The following CTNND1 variants were observed in gnomAD, a reference collection of about 807,000 sequenced individuals.
CTNND1 encodes the protein catenin delta-1.
Under a neutral mutation model 112.1 loss-of-function variants are expected in CTNND1, and 16 were observed. That is an observed-to-expected ratio of 0.14 (90% confidence interval 0.10 to 0.22). The LOEUF (loss-of-function observed/expected upper bound fraction) is 0.22. Among genes scored for constraint, CTNND1 ranks in the 10% least tolerant of loss-of-function variants. CTNND1 has a pLI of 1.00. For missense variants in CTNND1, 1,008 were observed against 1,257.0 expected (o/e 0.80, Z 3.00); for synonymous variants, 420 against 446.5 (o/e 0.94, Z 0.75).
intron 1 of CTNND1, among the ~76,000 whole-genome samples, chr11:57,779,265 C>A (rs2059327549): frequency 6.6e-6 from 1 of 152,214 alleles, no homozygotes; most frequent in Non-Finnish European, 1.5e-5. Context: ...TTAAGAGTTA[C>A]TAGCAATTCT....
intron 1 of CTNND1, among the ~76,000 whole-genome samples, chr11:57,767,253 G>A (rs1017701921): frequency 2.6e-5 from 4 of 151,898 alleles, no homozygotes; most frequent in Admixed American, 1.3e-4. Flanking sequence ...GAGCCACTGC[G>A]CCCGGCCAGA....
At position 57,816,620 on chromosome 11, in the gene CTNND1, C is replaced by T; in HGVS notation, c.*312C>T. 2.2e-6 allele frequency: 1 copy of T among 459,080 alleles called. No homozygotes were observed. The highest frequency in any genetic ancestry group is 4.0e-6 in the Non-Finnish European group (1 of 253,006). The allele number at this position is 459,080 out of a possible 1,614,324, so 28.4% of individuals were successfully genotyped here. On this transcript the variant is annotated 3_prime_UTR_variant, in exon 21 of 21. Transcript: ENST00000399050. ...TGCCAGTTTTCCCTGGAACTCCTGGCCTTTTGTGGAGGGGAGGGATGGAGA... is the reference window on the plus strand; with the variant it reads ...TGCCAGTTTTCCCTGGAACTCCTGGTCTTTTGTGGAGGGGAGGGATGGAGA...
rs2064037246 is a variant in CTNND1 at position 57,817,316 on chromosome 11, T to C, written c.*1008T>C. 6.5e-6 allele frequency: 1 copy of C among 152,768 alleles called. No homozygotes were observed. The highest frequency in any genetic ancestry group is 2.4e-5 in the African/African-American group (1 of 41,462). The allele number at this position is 152,768 out of a possible 1,614,324, so 9.5% of individuals were successfully genotyped here. A position where few individuals can be genotyped will look rare whatever the true frequency, so the allele number is the denominator to read the frequency against. ...TTGGTTGGCAAACTAAAGGACTTGA[T>C]GTACATAACTCCTGTCCCTTTTCCC... On this transcript the variant is annotated 3_prime_UTR_variant, in exon 21 of 21. Coordinates refer to ENST00000399050, the MANE Select transcript of CTNND1 (RefSeq NM_001085458.2).
rs373135074 is a variant in CTNND1 at position 57,815,975 on chromosome 11, G to C, written c.2869G>C (p.Gly957Arg). ...ELDVLVLDDE[G>R]GQVSYPSMQK... ...GGATGTGTTGGTTTTGGATGATGAG[G>C]GGGGCCAAGTGTCTTACCCCTCCAT... Residue 957 changes from glycine to arginine, a missense_variant, in exon 20 of 21, where the codon GGG (glycine) becomes CGG (arginine). Transcript: ENST00000399050. 6.3e-7 allele frequency: 1 copy of C among 1,597,728 alleles called. No individual in the cohort carries two copies. Among genetic ancestry groups the C allele is most frequent in the Non-Finnish European group, 8.5e-7 (1 of 1,175,806 alleles).
intron 1 of CTNND1, among the ~76,000 whole-genome samples, chr11:57,779,427 T>C (rs1013853082): frequency 6.6e-6 from 1 of 152,208 alleles, no homozygotes; most frequent in African/African-American, 2.4e-5. Context: ...ATTCCAGCTG[T>C]GAAACAGGCA....
chr11:57,797,620 A>G (rs1167719872), intron 6 of CTNND1, among the ~76,000 whole-genome samples: 1 of 144,750 alleles, frequency 6.9e-6, no homozygotes, highest in Non-Finnish European at 1.5e-5. Flanking sequence ...AGGTGGGTGG[A>G]TCACCTGAGG....
chr11:57,778,061 GA>G (rs1442008928), intron 1 of CTNND1, among the ~76,000 whole-genome samples: 12 of 152,302 alleles, frequency 7.9e-5, no homozygotes, highest in African/African-American at 2.6e-4. Flanking sequence ...TTGTGAGCAG[GA>G]AAAGCTGATG....
rs1215824078 is a variant in CTNND1 at position 57,762,075 on chromosome 11, A to G, written c.-258A>G. 1 of 985,440 alleles carries G rather than the reference A, an allele frequency of 1.0e-6. No individual in the cohort carries two copies. Among genetic ancestry groups the G allele is most frequent in the Non-Finnish European group, 1.2e-6 (1 of 829,928 alleles). The allele number at this position is 985,440 out of a possible 1,614,324, so 61.0% of individuals were successfully genotyped here. ...TGTGGCTTTTGAAGAAAATGTATGT[A>G]CTGACGGGAAAAGGAGGATAAGCAA... On this transcript the variant is annotated 5_prime_UTR_variant, in exon 1 of 21. Transcript: ENST00000399050.
At chr11:57,763,266 C>T (rs1950260027) in intron 1 of CTNND1, among the ~76,000 whole-genome samples, 1 of 152,082 alleles carries the variant, frequency 6.6e-6, no homozygotes, top group African/African-American at 2.4e-5. Flanking sequence ...AGGGTATTCT[C>T]TTCTCTTTTT....
chr11:57,789,854 G>C (rs2060505093), intron 2 of CTNND1, among the ~76,000 whole-genome samples: 1 of 152,156 alleles, frequency 6.6e-6, no homozygotes, highest in South Asian at 2.1e-4. Context: ...GTGGAGGTTA[G>C]GATATGAACT....
Position 57,818,355 on chromosome 11 carries a change from T to C in CTNND1, c.*2047T>C, listed in dbSNP as rs1394015847. 6.6e-6 allele frequency: 1 copy of C among 151,494 alleles called. No homozygotes were observed. Among genetic ancestry groups the C allele is most frequent in the Non-Finnish European group, 1.5e-5 (1 of 68,056 alleles). The allele number at this position is 151,494 out of a possible 1,614,324, so 9.4% of individuals were successfully genotyped here. A position where few individuals can be genotyped will look rare whatever the true frequency, so the allele number is the denominator to read the frequency against. On this transcript the variant is annotated 3_prime_UTR_variant, in exon 21 of 21. Transcript: ENST00000399050. ...CCGAACACTACTAAGGGGCTTGTGTTCTGCTCCATACCTTTTCTCTTTTCT... is the reference window on the plus strand; with the variant it reads ...CCGAACACTACTAAGGGGCTTGTGTCCTGCTCCATACCTTTTCTCTTTTCT...
chr11:57,797,046 G>A (rs372583467), intron 6 of CTNND1, 54 bp downstream of exon 6: 9 of 1,381,902 alleles, frequency 6.5e-6, no homozygotes, highest in Admixed American at 5.1e-5. Context: ...GGGACAAGGG[G>A]TAGCTTTTCC....
Position 57,791,371 on chromosome 11 carries a change from C to A in CTNND1, c.-94-14C>A. The A allele has an allele frequency of 3.7e-6, 5 of 1,359,780 alleles. No individual in the cohort carries two copies. The highest frequency in any genetic ancestry group is 4.8e-6 in the Non-Finnish European group (5 of 1,049,632). The allele number at this position is 1,359,780 out of a possible 1,614,324, so 84.2% of individuals were successfully genotyped here. A position where few individuals can be genotyped will look rare whatever the true frequency, so the allele number is the denominator to read the frequency against. On this transcript the variant is annotated splice_polypyrimidine_tract_variant and intron_variant, in intron 2 of 20. Coordinates refer to ENST00000399050, the MANE Select transcript of CTNND1 (RefSeq NM_001085458.2). The stretch of plus-strand genomic sequence containing the variant: ...GTGACCTTTTCTCTCCTTTCTCTTA[C>A]CCTTTCCCGGTAGTGTGAAGTGAGG...
In CTNND1 at chr11:57,781,321, A is replaced by G. The variant is rs1466937990; in HGVS notation, c.-213-7716A>G. ...ACTCTAAGGTTAAGCTTTTCCATGA[A>G]TATTTTTTTTTTCCGAGTCTAGGGT... On this transcript the variant is annotated intron_variant, in intron 1 of 20. Transcript: ENST00000399050. Among the ~76,000 whole-genome samples, 3 of 152,258 alleles carry G rather than the reference A, an allele frequency of 2.0e-5. No homozygotes were observed. The East Asian group carries it at 5.8e-4, about 29-fold the overall frequency.
intron 17 of CTNND1, 139 bp downstream of exon 17, chr11:57,811,625 T>G: frequency 1.6e-6 from 1 of 618,164 alleles, no homozygotes; most frequent in Non-Finnish European, 2.8e-6. Context: ...TCCAGGATCC[T>G]AACGCAGAAA....
intron 16 of CTNND1, 26 bp from the exon 17 acceptor site, chr11:57,811,373 A>G (rs2063340463): frequency 1.3e-6 from 2 of 1,570,904 alleles, no homozygotes; most frequent in East Asian, 2.2e-5. Flanking sequence ...ATTCTGTCAC[A>G]TTGTCGCATT....
intron 1 of CTNND1, among the ~76,000 whole-genome samples, chr11:57,766,375 T>C (rs910520504): frequency 1.2e-4 from 19 of 152,246 alleles, no homozygotes; most frequent in African/African-American, 3.6e-4. Context: ...ATCACTGTTT[T>C]AGCCACAAAA....
intron 5 of CTNND1, 24 bp downstream of exon 5, chr11:57,795,753 C>A: frequency 6.4e-7 from 1 of 1,560,582 alleles, no homozygotes; most frequent in Non-Finnish European, 8.6e-7. Context: ...TGTGTAAGAT[C>A]TGGAAGTGAT....
At chr11:57,806,523 G>A (rs1565364538) in intron 11 of CTNND1, 45 bp downstream of exon 11, 1 of 1,556,682 alleles carries the variant, frequency 6.4e-7, no homozygotes, top group Admixed American at 1.9e-5. Context: ...TAATTTGCAT[G>A]TTTTGATTTT....
Sources: gnomAD v4.1 joint callset for allele counts (sites outside exome capture counted in the v4.1 genomes callset) on GRCh38, gnomAD v4.1.1 for gene constraint, MANE v1.5 for transcripts, NCBI Gene and HGNC (gene_info 2026-07-23, HGNC 2026-07-21) for gene names.